USP28: variants seen among roughly 807,000 people sequenced by gnomAD.
USP28 encodes the protein ubiquitin carboxyl-terminal hydrolase 28.
In USP28, 113 loss-of-function variants were observed where a neutral mutation model predicts 145.0. The ratio of observed to expected loss-of-function variants is 0.78; its 90% CI spans 0.67 to 0.91. The LOEUF is 0.91. USP28 is among the 40% of genes least tolerant of loss of function. USP28 has a pLI of 0.00. For synonymous variants in USP28, 447 were observed against 450.9 expected (o/e 0.99, Z 0.11); for missense variants, 1,201 against 1,289.6 (o/e 0.93, Z 1.05).
chr11:113,874,286 T>C (rs1949138659), intron 1 of USP28, among the ~76,000 whole-genome samples: 1 of 150,604 alleles, frequency 6.6e-6, no homozygotes, highest in South Asian at 2.1e-4. Flanking sequence ...ACCCCGACTC[T>C]ACTAAAAATA....
intron 24 of USP28, 90 bp downstream of exon 25, chr11:113,801,393 A>C (rs1331211009): frequency 2.1e-5 from 22 of 1,050,568 alleles, no homozygotes; most frequent in Non-Finnish European, 2.7e-5. Context: ...CAATTCCTTA[A>C]AAAGGTTTGG....
At chr11:113,808,992 G>C in intron 17 of USP28, 71 bp downstream of exon 17, 1 of 1,481,882 alleles carries the variant, frequency 6.7e-7, no homozygotes, top group Non-Finnish European at 9.3e-7. Context: ...CAGCTGAAGG[G>C]TATAGGGCTG....
chr11:113,808,354 T>C lies in USP28; in HGVS notation c.2248A>G (p.Ile750Val), dbSNP rs201217976. 291 of 1,613,976 alleles carry C rather than the reference T, an allele frequency of 1.8e-4. 1 individual carries two copies. The highest frequency in any genetic ancestry group is 3.3e-5 in the Non-Finnish European group (39 of 1,180,026). The stretch of plus-strand genomic sequence containing the variant: ...TCATAGGCACGGGCTGTGTTTGCAA[T>C]AGCCTGGGCAGTTTGCTCCTTTACA... Residue 750 changes from isoleucine to valine, a missense_variant, in exon 18 of 25, where the codon ATT becomes GTT. Physicochemically the swap from Ile to Val is conservative, Grantham distance 29 (BLOSUM62 3). Transcript: ENST00000003302.
At position 113,818,342 on chromosome 11, in the gene USP28, A is replaced by G. The variant is rs896958780; in HGVS notation, c.1284-505T>C. 8 of 152,652 alleles carry G rather than the reference A, an allele frequency of 5.2e-5. No homozygotes were observed. In the East Asian group the frequency reaches 1.4e-3, roughly 26 times the overall value. 9.5% of individuals were successfully genotyped at this position (152,652 alleles called of 1,614,324 possible). ...AATTTTTTGTATTTTTAGTAGAGAC[A>G]GGGTTTCACTGTATTAGCCAGGATG... is the stretch of plus-strand genomic sequence containing the variant. On this transcript the variant is annotated intron_variant, in intron 12 of 24. Transcript: ENST00000003302.
chr11:113,804,004 A>G, intron 21 of USP28, 127 bp from the exon 23 acceptor site: 1 of 749,716 alleles, frequency 1.3e-6, no homozygotes, highest in Non-Finnish European at 2.1e-6. Context: ...AATAACAAAC[A>G]AAAGCTTTCA....
exon 20 of USP28, chr11:113,804,953 A>C: frequency 6.2e-7 from 1 of 1,614,190 alleles, no homozygotes; most frequent in Non-Finnish European, 8.5e-7. Context: ...TTTTGGAAAA[A>C]GTAGACAAGG....
chr11:113,799,480 C>A, intron 24 of USP28, 65 bp from the exon 26 acceptor site: 1 of 1,536,942 alleles, frequency 6.5e-7, no homozygotes. Flanking sequence ...AGTGAACAAG[C>A]CTTCTATTAG....
intron 16 of USP28, among the ~76,000 whole-genome samples, chr11:113,809,556 A>G (rs1278119302): frequency 1.3e-5 from 2 of 152,232 alleles, no homozygotes; most frequent in African/African-American, 4.8e-5. Flanking sequence ...CCCTTCCAGC[A>G]TCATGTAATG....
intron 19 of USP28, 33 bp downstream of exon 20, chr11:113,806,456 T>C (rs768771368): frequency 2.2e-5 from 34 of 1,548,188 alleles, no homozygotes; most frequent in Non-Finnish European, 2.9e-5. Context: ...GATGCCTATA[T>C]TGTAAGAATT....
intron 1 of USP28, among the ~76,000 whole-genome samples, chr11:113,865,445 G>GT (rs1948158140): frequency 6.6e-6 from 1 of 152,166 alleles, no homozygotes; most frequent in Non-Finnish European, 1.5e-5. Flanking sequence ...TCAAAACTTA[G>GT]TATTAATCCA....
chr11:113,840,258 C>T (rs1047976728), intron 5 of USP28, among the ~76,000 whole-genome samples: 2 of 152,210 alleles, frequency 1.3e-5, no homozygotes, highest in African/African-American at 4.8e-5. Flanking sequence ...ATGACTTCTG[C>T]CACTTCTCTA....
intron 4 of USP28, among the ~76,000 whole-genome samples, 185 bp downstream of exon 4, chr11:113,841,478 A>T (rs1473152832): frequency 2.0e-5 from 3 of 152,172 alleles, no homozygotes. Flanking sequence ...ATGCAATAAG[A>T]CCCCTTTCAG....
chr11:113,816,201 C>A (rs2135506213), intron 13 of USP28, among the ~76,000 whole-genome samples: 1 of 152,180 alleles, frequency 6.6e-6, no homozygotes, highest in Non-Finnish European at 1.5e-5. Flanking sequence ...ATATAAACTT[C>A]CTTTACTTTG....
intron 3 of USP28, among the ~76,000 whole-genome samples, chr11:113,842,409 CCCCG>C (rs1422697016): frequency 1.3e-5 from 2 of 151,842 alleles, no homozygotes; most frequent in African/African-American, 4.8e-5. Flanking sequence ...CACGGTGAAA[CCCCG>C]TCTCTACTAA....
exon 13 of USP28, chr11:113,817,788 G>A: frequency 6.2e-7 from 1 of 1,614,178 alleles, no homozygotes. Flanking sequence ...ACATATTTCA[G>A]CATGTCCGGG....
Position 113,853,961 on chromosome 11 carries a change from C to T in USP28, c.135+297G>A, listed in dbSNP as rs563937971. 7.2e-5 allele frequency among the ~76,000 whole-genome samples: 11 copies of T among 151,888 alleles called. 1 individual carries two copies. The South Asian group carries it at 2.3e-3, about 32-fold the overall frequency. ...AATATCAGATAACCAGTTCAAACTT[C>T]CCTGACTCAAATATTATTTAGTTTG... On this transcript the variant is annotated intron_variant, in intron 2 of 24. Transcript: ENST00000003302.
chr11:113,836,216 C>G (rs766122877), intron 5 of USP28, among the ~76,000 whole-genome samples: 34 of 152,300 alleles, frequency 2.2e-4, no homozygotes, highest in Non-Finnish European at 3.7e-4. Context: ...TCCTCCTCCC[C>G]CAGTCACCAA....
chr11:113,856,360 T>C (rs539935008), intron 1 of USP28, among the ~76,000 whole-genome samples: 6 of 152,312 alleles, frequency 3.9e-5, no homozygotes, highest in Non-Finnish European at 7.4e-5. Flanking sequence ...GATAATCCCA[T>C]CTTCATTGGG....
chr11:113,841,727 C>A (rs1352870162), exon 4 of USP28: 1 of 1,613,388 alleles, frequency 6.2e-7, no homozygotes, highest in Admixed American at 1.7e-5. Context: ...GCAATGGCAG[C>A]CTGAAGATCA....
Sources: allele counts gnomAD v4.1 joint callset (sites outside exome capture counted in the v4.1 genomes callset), GRCh38; gene constraint gnomAD v4.1.1; transcripts MANE v1.5; gene names NCBI Gene and HGNC (gene_info 2026-07-23, HGNC 2026-07-21).